Variants in CTNNA3 observed in about 807,000 individuals in gnomAD.
CTNNA3 encodes catenin alpha-3.
Under a neutral mutation model 95.7 loss-of-function variants are expected in CTNNA3, and 76 were observed. The observed-to-expected ratio is 0.79, with a 90% CI of 0.66 to 0.96. CTNNA3 has a LOEUF of 0.96. Among genes scored for constraint, CTNNA3 ranks in the 40% least tolerant of loss-of-function variants. The pLI is 0.00. For synonymous variants in CTNNA3, 431 were observed against 374.4 expected (o/e 1.15, Z -1.74); for missense variants, 1,191 against 1,089.8 (o/e 1.09, Z -1.31).
intron 10 of CTNNA3, among the ~76,000 whole-genome samples, chr10:66,530,084 G>A (rs74141587): frequency 0.044 from 6,639 of 152,120 alleles, 196 homozygotes; most frequent in South Asian, 0.067. Flanking sequence ...ATAAATCTAC[G>A]TAATTTAATT....
At chr10:66,148,394 C>A (rs897339121) in intron 13 of CTNNA3, among the ~76,000 whole-genome samples, 1 of 151,862 alleles carries the variant, frequency 6.6e-6, no homozygotes, top group Non-Finnish European at 1.5e-5. Context: ...ATGTATTCCT[C>A]GAAAATTCAT....
chr10:66,360,638 T>C (rs886958152), intron 12 of CTNNA3, among the ~76,000 whole-genome samples: 598 of 53,224 alleles, frequency 0.011, 5 homozygotes, highest in African/African-American at 0.034. Flanking sequence ...TTTCTTTCTT[T>C]CTTTCTTTCT....
At chr10:67,096,312 G>A (rs1029074619) in intron 7 of CTNNA3, among the ~76,000 whole-genome samples, 1 of 151,792 alleles carries the variant, frequency 6.6e-6, no homozygotes, top group African/African-American at 2.4e-5. Context: ...GATGGAAACA[G>A]AAGTGGCAAA....
In CTNNA3 at chr10:66,840,431, G is replaced by A. The variant is rs1401094702; in HGVS notation, c.1048-64907C>T. Among the ~76,000 whole-genome samples the A allele has an allele frequency of 4.9e-5, 7 of 143,058 alleles. No homozygotes were observed. In the South Asian group the frequency reaches 1.1e-3, roughly 23 times the overall value. The allele number at this position is 143,058 out of a possible 152,430, so 93.9% of individuals were successfully genotyped here. On this transcript the variant is annotated intron_variant, in intron 7 of 17. Coordinates refer to ENST00000433211, the MANE Select transcript of CTNNA3 (RefSeq NM_013266.4). ...ACACACCCCTCGGTATAGGTTGGAA[G>A]TCCTTCCTCAGTACTGCATTTACAC...
intron 7 of CTNNA3, among the ~76,000 whole-genome samples, chr10:67,028,660 A>G (rs975076490): frequency 3.3e-5 from 5 of 151,934 alleles, no homozygotes; most frequent in African/African-American, 1.2e-4. Context: ...AAAAAAAAAA[A>G]AAAAAGTTCT....
intron 12 of CTNNA3, among the ~76,000 whole-genome samples, chr10:66,320,520 A>G (rs909163835): frequency 6.6e-6 from 1 of 152,064 alleles, no homozygotes; most frequent in Non-Finnish European, 1.5e-5. Context: ...TGGTCACTTG[A>G]GTTATCTCCA....
At chr10:66,650,918 A>AC (rs1218553716) in intron 9 of CTNNA3, among the ~76,000 whole-genome samples, 1 of 152,056 alleles carries the variant, frequency 6.6e-6, no homozygotes, top group African/African-American at 2.4e-5. Flanking sequence ...CTGGAAGGAA[A>AC]CCCCAACACG....
intron 11 of CTNNA3, among the ~76,000 whole-genome samples, chr10:66,425,246 T>G (rs1000885555): frequency 6.6e-5 from 10 of 151,896 alleles, no homozygotes; most frequent in Non-Finnish European, 1.0e-4. Context: ...TCCTATAAGA[T>G]TAGCAGTTAG....
chr10:67,045,859 T>C (rs200859870), intron 7 of CTNNA3, among the ~76,000 whole-genome samples: 1 of 152,176 alleles, frequency 6.6e-6, no homozygotes, highest in East Asian at 1.9e-4. Flanking sequence ...CACAGTGACT[T>C]TTCCTTTAAC....
intron 5 of CTNNA3, among the ~76,000 whole-genome samples, chr10:67,239,403 T>C (rs1191664106): frequency 6.7e-6 from 1 of 150,224 alleles, no homozygotes; most frequent in Non-Finnish European, 1.5e-5. Context: ...AGAGTATGTA[T>C]GGTTTAATTC....
At chr10:67,242,331 A>T (rs1175284110) in intron 5 of CTNNA3, among the ~76,000 whole-genome samples, 1 of 152,254 alleles carries the variant, frequency 6.6e-6, no homozygotes, top group African/African-American at 2.4e-5. Context: ...TAACTTTGAT[A>T]AAGGAAACAT....
chr10:67,345,800 T>C (rs1842392091), intron 5 of CTNNA3, among the ~76,000 whole-genome samples: 1 of 152,136 alleles, frequency 6.6e-6, no homozygotes, highest in Admixed American at 6.5e-5. Flanking sequence ...TGTCTTTCGA[T>C]TGGAGAGTTT....
At chr10:66,855,668 A>G (rs1427019305) in intron 7 of CTNNA3, among the ~76,000 whole-genome samples, 1 of 152,046 alleles carries the variant, frequency 6.6e-6, no homozygotes, top group Non-Finnish European at 1.5e-5. Context: ...ATGAAAAACA[A>G]TATAAGATAG....
intron 6 of CTNNA3, among the ~76,000 whole-genome samples, chr10:67,194,668 A>G (rs1044416666): frequency 3.3e-5 from 5 of 151,904 alleles, no homozygotes; most frequent in Admixed American, 6.6e-5. Flanking sequence ...TTCCAAGCCC[A>G]CAGAACGTAC....
chr10:66,356,230 C>A (rs2092609474), intron 12 of CTNNA3, among the ~76,000 whole-genome samples: 1 of 143,970 alleles, frequency 6.9e-6, no homozygotes, highest in African/African-American at 2.6e-5. Flanking sequence ...GAAAAAAATT[C>A]TGCTAGGATT....
chr10:66,109,201 G>A (rs1445910705), intron 13 of CTNNA3, among the ~76,000 whole-genome samples: 1 of 152,160 alleles, frequency 6.6e-6, no homozygotes, highest in East Asian at 1.9e-4. Flanking sequence ...GGGTTACATG[G>A]GCTGGGACAA....
chr10:66,635,606 T>C (rs745813028), intron 9 of CTNNA3, among the ~76,000 whole-genome samples: 11 of 152,168 alleles, frequency 7.2e-5, no homozygotes, highest in Non-Finnish European at 1.3e-4. Flanking sequence ...TCAAATGCTA[T>C]CATGGGAACA....
chr10:66,074,745 C>A (rs1554840377), intron 14 of CTNNA3, among the ~76,000 whole-genome samples: 2 of 151,852 alleles, frequency 1.3e-5, no homozygotes, highest in Non-Finnish European at 2.9e-5. Flanking sequence ...TATCTTATCT[C>A]ACTTACTAGA....
intron 3 of CTNNA3, among the ~76,000 whole-genome samples, chr10:67,593,769 G>T (rs748415989): frequency 1.3e-5 from 2 of 151,908 alleles, no homozygotes; most frequent in African/African-American, 2.4e-5. Flanking sequence ...TTGACTGATT[G>T]TTCTGGCTAG....
Sources: allele counts gnomAD v4.1 joint callset (sites outside exome capture counted in the v4.1 genomes callset), GRCh38; gene constraint gnomAD v4.1.1; transcripts MANE v1.5; gene names NCBI Gene and HGNC (gene_info 2026-07-23, HGNC 2026-07-21).